CFAP58: variants seen among roughly 807,000 people sequenced by gnomAD.
CFAP58 encodes cilia and flagella associated protein 58.
Under a neutral mutation model 119.5 loss-of-function variants are expected in CFAP58, and 88 were observed. That is an observed-to-expected ratio of 0.74 (90% CI 0.62 to 0.88). The LOEUF (loss-of-function observed/expected upper bound fraction) is 0.88. Ranked by LOEUF, CFAP58 falls within the 40% of genes least tolerant of loss-of-function variation. The pLI is 0.00. For synonymous variants in CFAP58, 365 were observed against 366.3 expected (o/e 1.00, Z 0.04); for missense variants, 990 against 1,021.2 (o/e 0.97, Z 0.42).
chr10:104,420,010 G>A (rs2012629691), intron 15 of CFAP58, among the ~76,000 whole-genome samples: 1 of 152,058 alleles, frequency 6.6e-6, no homozygotes, highest in South Asian at 2.1e-4. Flanking sequence ...GGAAACTAAA[G>A]CTCAGATAGG....
chr10:104,349,180 G>A (rs1392733317), upstream of CFAP58, among the ~76,000 whole-genome samples: 6 of 152,140 alleles, frequency 3.9e-5, no homozygotes, highest in South Asian at 2.1e-4. Context: ...CCTGGGAGGC[G>A]GAGGTTGCAG....
chr10:104,381,982 C>G (rs1347726863), intron 9 of CFAP58: 1 of 619,210 alleles, frequency 1.6e-6, no homozygotes, highest in South Asian at 1.9e-5. Flanking sequence ...TGGACTCGCA[C>G]GTTAGCTTCT....
At chr10:104,392,476 AT>A in intron 10 of CFAP58, 82 bp downstream of exon 10, 2 of 977,722 alleles carry the variant, frequency 2.0e-6, no homozygotes, top group Non-Finnish European at 2.9e-6. Flanking sequence ...TAATGGCAGA[AT>A]TTAGAATAGA....
At chr10:104,353,131 A>G (rs1055104391), upstream of CFAP58, 1 of 152,234 alleles carries the variant, frequency 6.6e-6, no homozygotes, top group Non-Finnish European at 1.5e-5. Context: ...AAGTCCAGAA[A>G]GAGTGGAGGC....
At chr10:104,377,088 TC>T (rs1431613406) in intron 8 of CFAP58, among the ~76,000 whole-genome samples, 195 bp downstream of exon 8, 1 of 152,204 alleles carries the variant, frequency 6.6e-6, no homozygotes, top group Non-Finnish European at 1.5e-5. Context: ...AATTGCGTTA[TC>T]ACCTGAGAAC....
intron 15 of CFAP58, among the ~76,000 whole-genome samples, chr10:104,423,544 G>GT (rs33943621): frequency 0.21 from 31,351 of 145,896 alleles, 3,584 homozygotes; most frequent in Non-Finnish European, 0.27. Flanking sequence ...TTAAACAGGA[G>GT]TTTTTTTTTT....
intron 9 of CFAP58, chr10:104,382,041 C>T (rs928637597): frequency 3.8e-5 from 27 of 711,752 alleles, no homozygotes; most frequent in Middle Eastern, 2.3e-4. Context: ...CTTAGTGGTT[C>T]GCAGCAATAA....
Position 104,374,883 on chromosome 10 carries a change from T to TTAAAATGAGGGATTGGCTAAA in CFAP58, c.1091-1923_1091-1903dup, listed in dbSNP as rs2014870538. 2.6e-5 allele frequency among the ~76,000 whole-genome samples: 4 copies of TTAAAATGAGGGATTGGCTAAA among 151,292 alleles called. No homozygotes were observed. In the South Asian group the frequency reaches 8.3e-4, roughly 31 times the overall value. ...AAAAGAAAAAGAAGCAACTTAAATG[T>TTAAAATGAGGGATTGGCTAAA]TAAAATGAGGGATTGGCTAAATAAA... On this transcript the variant is annotated intron_variant, in intron 7 of 17. Transcript: ENST00000369704.
At position 104,450,108 on chromosome 10, in the gene CFAP58, G is replaced by A; in HGVS notation, c.2414G>A (p.Ser805Asn). 6.2e-7 allele frequency: 1 copy of A among 1,612,520 alleles called. No homozygotes were observed. Among genetic ancestry groups the A allele is most frequent in the South Asian group, 1.1e-5 (1 of 90,666 alleles). ...GAATTGAATATGTATGAAGTACAGA[G>A]CAAAGAATATAAATATGAGGTAGAG... The part of the protein sequence containing the change: ...SSELNMYEVQ[S>N]KEYKYEVEKL... The change falls in exon 17 of 18, where the codon AGC becomes AAC. Residue 805 changes from serine (S) to asparagine (N), a missense_variant. Transcript: ENST00000369704.
rs923993813 is a variant in CFAP58 at position 104,437,963 on chromosome 10, C to G, written c.2257-9735C>G. Reference sequence around the variant, plus strand: ...CCAGAATATATAAATAATTACAAATCAGTAAAAAAAAATACTATATGTGAA... The same window carrying G: ...CCAGAATATATAAATAATTACAAATGAGTAAAAAAAAATACTATATGTGAA... On this transcript the variant is annotated intron_variant, in intron 15 of 17. Coordinates refer to ENST00000369704, the MANE Select transcript of CFAP58 (RefSeq NM_001008723.2). Among the ~76,000 whole-genome samples the G allele has an allele frequency of 8.6e-5, 13 of 151,716 alleles. No homozygotes were observed. In the East Asian group the frequency reaches 1.7e-3, roughly 20 times the overall value.
At chr10:104,364,157 C>A (rs2014708605) in intron 3 of CFAP58, among the ~76,000 whole-genome samples, 1 of 152,124 alleles carries the variant, frequency 6.6e-6, no homozygotes, top group African/African-American at 2.4e-5. Context: ...AGAAAACTAG[C>A]AATGCATATT....
intron 11 of CFAP58, among the ~76,000 whole-genome samples, 179 bp downstream of exon 11, chr10:104,393,654 G>T (rs568976257): frequency 5.4e-4 from 82 of 152,312 alleles, no homozygotes; most frequent in African/African-American, 1.6e-3. Flanking sequence ...ACCATCTCTA[G>T]GTCAGGGCTC....
chr10:104,341,002 T>C, the CFAP58 span, among the ~76,000 whole-genome samples: 1 of 152,106 alleles, frequency 6.6e-6, no homozygotes. Flanking sequence ...TGAAAACCCC[T>C]AGCCTGCCTA....
intron 15 of CFAP58, among the ~76,000 whole-genome samples, chr10:104,426,708 T>C (rs1333793906): frequency 6.6e-6 from 1 of 152,208 alleles, no homozygotes; most frequent in Non-Finnish European, 1.5e-5. Flanking sequence ...AAGAAAGACA[T>C]TTTCACCCCA....
intron 9 of CFAP58, among the ~76,000 whole-genome samples, chr10:104,391,355 A>T (rs542612477): frequency 6.6e-6 from 1 of 152,160 alleles, no homozygotes; most frequent in African/African-American, 2.4e-5. Context: ...GTGTCCTCCC[A>T]TTGCAACCAT....
In CFAP58 at chr10:104,357,877, GTA is replaced by G. The variant is rs1384611882; in HGVS notation, c.10-463_10-462del. Among the ~76,000 whole-genome samples, 65 of 90,990 alleles carry G rather than the reference GTA, an allele frequency of 7.1e-4. 1 individual carries two copies. Among genetic ancestry groups the G allele is most frequent in the African/African-American group, 2.3e-3 (54 of 23,268 alleles). 59.7% of individuals were successfully genotyped at this position (90,990 alleles called of 152,430 possible). On this transcript the variant is annotated intron_variant, in intron 1 of 17. Coordinates refer to ENST00000369704, the MANE Select transcript of CFAP58 (RefSeq NM_001008723.2). ...TATATACACATATATACACATATAT[GTA>G]CACATATATAAACATATATGTACAC...
At chr10:104,367,526 A>G (rs2014768427) in intron 5 of CFAP58, among the ~76,000 whole-genome samples, 1 of 142,910 alleles carries the variant, frequency 7.0e-6, no homozygotes, top group South Asian at 2.2e-4. Flanking sequence ...AAAACATGAG[A>G]CTTCTTTGAG....
At chr10:104,401,543 G>A (rs541374980) in intron 13 of CFAP58, among the ~76,000 whole-genome samples, 2 of 152,306 alleles carry the variant, frequency 1.3e-5, no homozygotes, top group South Asian at 4.1e-4. Context: ...GCAATTGCAG[G>A]AAACCAAATA....
chr10:104,411,204 T>C (rs2012455148), intron 15 of CFAP58, among the ~76,000 whole-genome samples: 1 of 152,192 alleles, frequency 6.6e-6, no homozygotes, highest in Non-Finnish European at 1.5e-5. Flanking sequence ...CCTCCCAAAG[T>C]GTTAATCTTA....
Sources: allele counts gnomAD v4.1 joint callset (sites outside exome capture counted in the v4.1 genomes callset), GRCh38; gene constraint gnomAD v4.1.1; transcripts MANE v1.5; gene names NCBI Gene and HGNC (gene_info 2026-07-23, HGNC 2026-07-21).